Variants in DDX10 observed in about 807,000 individuals in gnomAD.
DDX10 encodes the protein DEAD-box helicase 10.
Under a neutral mutation model 104.3 loss-of-function variants are expected in DDX10, and 74 were observed. The observed-to-expected ratio is 0.71, with a 90% confidence interval of 0.59 to 0.86. The LOEUF is 0.86. DDX10 is among the 40% of genes least tolerant of loss of function. DDX10 has a pLI of 0.00. For missense variants in DDX10, 952 were observed against 1,040.0 expected (o/e 0.92, Z 1.16); for synonymous variants, 351 against 353.4 (o/e 0.99, Z 0.08).
At chr11:108,706,367 A>G (rs866401713) in intron 9 of DDX10, among the ~76,000 whole-genome samples, 8 of 152,310 alleles carry the variant, frequency 5.3e-5, no homozygotes, top group Admixed American at 2.0e-4. Context: ...TTTTTTTAAA[A>G]AAAGTATATA....
At chr11:108,867,399 A>T (rs1303421122) in intron 16 of DDX10, among the ~76,000 whole-genome samples, 3 of 152,188 alleles carry the variant, frequency 2.0e-5, no homozygotes, top group African/African-American at 7.2e-5. Flanking sequence ...GCTTCATTTG[A>T]CACTCTACCT....
chr11:108,675,142 CAT>C (rs908155297), intron 2 of DDX10, among the ~76,000 whole-genome samples: 6 of 148,568 alleles, frequency 4.0e-5, no homozygotes, highest in African/African-American at 1.5e-4. Flanking sequence ...ATGTATATAA[CAT>C]ATATTTTCTT....
intron 8 of DDX10, 41 bp from the exon 9 acceptor site, chr11:108,693,475 T>C (rs769620305): frequency 9.6e-6 from 14 of 1,459,670 alleles, no homozygotes; most frequent in Non-Finnish European, 1.3e-5. Flanking sequence ...GCAGGGCAGA[T>C]CTTGCAACCA....
At chr11:108,870,168 C>T (rs2134622325) in intron 16 of DDX10, among the ~76,000 whole-genome samples, 1 of 152,176 alleles carries the variant, frequency 6.6e-6, no homozygotes, top group African/African-American at 2.4e-5. Context: ...AAAATAGATC[C>T]AGAGTTTAAC....
intron 9 of DDX10, among the ~76,000 whole-genome samples, chr11:108,694,583 A>G (rs1281966249): frequency 6.6e-6 from 1 of 152,182 alleles, no homozygotes; most frequent in African/African-American, 2.4e-5. Context: ...GGAACTGTCT[A>G]GAAAAGAATG....
chr11:108,912,217 A>T (rs1267735121), intron 16 of DDX10, among the ~76,000 whole-genome samples: 1 of 152,118 alleles, frequency 6.6e-6, no homozygotes, highest in African/African-American at 2.4e-5. Flanking sequence ...GGACTTAGCT[A>T]GTTCTCTAGT....
At chr11:108,909,573 C>T (rs867074995) in intron 16 of DDX10, among the ~76,000 whole-genome samples, 2 of 152,108 alleles carry the variant, frequency 1.3e-5, no homozygotes, top group African/African-American at 4.8e-5. Context: ...AAGTAAAACC[C>T]TTTCCTGAGT....
chr11:108,852,544 C>T (rs1415311049), intron 16 of DDX10, among the ~76,000 whole-genome samples: 7 of 152,166 alleles, frequency 4.6e-5, no homozygotes, highest in East Asian at 1.9e-4. Context: ...GTGGGCCAGG[C>T]CTGATAGGAT....
At chr11:108,678,666 T>C (rs1477193785) in intron 5 of DDX10, among the ~76,000 whole-genome samples, 1 of 152,190 alleles carries the variant, frequency 6.6e-6, no homozygotes, top group Non-Finnish European at 1.5e-5. Flanking sequence ...GGCACGTTAG[T>C]ATTAGACCAT....
chr11:108,763,200 T>C (rs2094352758), intron 13 of DDX10, among the ~76,000 whole-genome samples: 1 of 152,190 alleles, frequency 6.6e-6, no homozygotes, highest in Non-Finnish European at 1.5e-5. Context: ...TTGCAATTCC[T>C]TGGTGGCCAG....
intron 13 of DDX10, among the ~76,000 whole-genome samples, chr11:108,730,277 A>C (rs1427312801): frequency 2.0e-5 from 3 of 152,208 alleles, no homozygotes; most frequent in African/African-American, 7.2e-5. Flanking sequence ...CACCTCTTAG[A>C]GATTTCTCAA....
intron 16 of DDX10, among the ~76,000 whole-genome samples, chr11:108,893,969 A>G (rs1462287036): frequency 1.3e-5 from 2 of 152,108 alleles, no homozygotes; most frequent in Non-Finnish European, 2.9e-5. Context: ...GTCATGCTGA[A>G]TGGAAAACTG....
At chr11:108,855,030 G>A (rs12293543) in intron 16 of DDX10, among the ~76,000 whole-genome samples, 1,821 of 152,260 alleles carry the variant, frequency 0.012, 35 homozygotes, top group African/African-American at 0.041. Flanking sequence ...AAACTGTTAC[G>A]AAGGTTTGCT....
At position 108,902,315 on chromosome 11, in the gene DDX10, C is replaced by T. The variant is rs527251187; in HGVS notation, c.2305-15558C>T. 3.3e-4 allele frequency among the ~76,000 whole-genome samples: 51 copies of T among 152,280 alleles called. 2 individuals carry two copies. In the South Asian group the frequency reaches 9.3e-3, roughly 28 times the overall value. ...CTTAGGGCACAAAACTTCATGCCTA[C>T]AAGCTATGTTTGAGCATTAACAATA... is the stretch of plus-strand genomic sequence containing the variant. On this transcript the variant is annotated intron_variant, in intron 16 of 17. Coordinates refer to ENST00000322536, the MANE Select transcript of DDX10 (RefSeq NM_004398.4).
At chr11:108,733,180 A>G (rs1003134483) in intron 13 of DDX10, among the ~76,000 whole-genome samples, 1 of 151,698 alleles carries the variant, frequency 6.6e-6, no homozygotes, top group Non-Finnish European at 1.5e-5. Flanking sequence ...GTTAAAACAC[A>G]GATTAGCTAA....
intron 16 of DDX10, among the ~76,000 whole-genome samples, chr11:108,853,256 G>A (rs943812569): frequency 7.9e-5 from 12 of 152,106 alleles, no homozygotes; most frequent in Non-Finnish European, 1.2e-4. Flanking sequence ...ACCACCACTA[G>A]ATCTCAGAGG....
chr11:108,789,518 C>G (rs1394225209), intron 13 of DDX10, among the ~76,000 whole-genome samples: 8 of 152,152 alleles, frequency 5.3e-5, no homozygotes, highest in Non-Finnish European at 1.0e-4. Flanking sequence ...TGTCCATATT[C>G]AAAATTAGAC....
chr11:108,940,097 T>A, intron 17 of DDX10, 149 bp from the exon 18 acceptor site: 1 of 839,488 alleles, frequency 1.2e-6, no homozygotes, highest in Non-Finnish European at 1.8e-6. Context: ...GGGAAGGTAC[T>A]TACTAATTAT....
intron 16 of DDX10, among the ~76,000 whole-genome samples, chr11:108,881,634 A>T (rs1863228339): frequency 6.6e-6 from 1 of 152,188 alleles, no homozygotes; most frequent in Non-Finnish European, 1.5e-5. Context: ...GAGCTATTCA[A>T]CACTCTATTA....
Sources: gnomAD v4.1 joint callset for allele counts (sites outside exome capture counted in the v4.1 genomes callset) on GRCh38, gnomAD v4.1.1 for gene constraint, MANE v1.5 for transcripts, NCBI Gene and HGNC (gene_info 2026-07-23, HGNC 2026-07-21) for gene names.